FGGY: variants seen among roughly 807,000 people sequenced by gnomAD.
FGGY encodes the protein FGGY carbohydrate kinase domain-containing protein.
Under a neutral mutation model 71.3 loss-of-function variants are expected in FGGY, and 72 were observed. The observed-to-expected ratio is 1.01, with a 90% CI of 0.84 to 1.23. The LOEUF (loss-of-function observed/expected upper bound fraction) is 1.23, where lower values mean the gene tolerates loss of function less well. FGGY is among the 50% of genes most tolerant of loss of function. The probability of loss-of-function intolerance (pLI) is 0.00; values close to 1 mark genes in which losing one functional copy is unlikely to be tolerated. For synonymous variants in FGGY, 251 were observed against 250.3 expected (o/e 1.00, Z -0.02); for missense variants, 668 against 682.3 (o/e 0.98, Z 0.23).
chr1:59,401,053 C>A (rs1471792651), intron 5 of FGGY, among the ~76,000 whole-genome samples: 1 of 152,112 alleles, frequency 6.6e-6, no homozygotes, highest in Non-Finnish European at 1.5e-5. Flanking sequence ...TATTATTTGA[C>A]ATTTTATAAA....
chr1:59,297,607 G>A (rs182185888), intron 1 of FGGY, among the ~76,000 whole-genome samples: 1 of 152,326 alleles, frequency 6.6e-6, no homozygotes, highest in Non-Finnish European at 1.5e-5. Context: ...TGGATCACGA[G>A]GTCAGGAGAT....
intron 4 of FGGY, among the ~76,000 whole-genome samples, chr1:59,355,934 A>T (rs1202466536): frequency 1.3e-5 from 2 of 152,118 alleles, no homozygotes; most frequent in African/African-American, 2.4e-5. Context: ...AAAAAAAATA[A>T]ACAATTTTAA....
Position 59,652,913 on chromosome 1 carries a change from G to A in FGGY, c.1222-7306G>A, listed in dbSNP as rs1007580255. 3.6e-4 allele frequency among the ~76,000 whole-genome samples: 55 copies of A among 152,238 alleles called. No individual in the cohort carries two copies. In the South Asian group the frequency reaches 4.2e-3, roughly 11 times the overall value. ...CTACTTTTGGTCTTTGATGATGGTG[G>A]TGTACAGATGGGTTTTCGGTGTGGA... On this transcript the variant is annotated intron_variant, in intron 11 of 15. Coordinates refer to ENST00000303721, the MANE Select transcript of FGGY (RefSeq NM_018291.5).
At chr1:59,375,773 A>T (rs1305901619) in intron 4 of FGGY, among the ~76,000 whole-genome samples, 1 of 151,970 alleles carries the variant, frequency 6.6e-6, no homozygotes, top group Admixed American at 6.6e-5. Flanking sequence ...GTTCTTTGTG[A>T]CATTCTACTT....
At chr1:59,462,600 C>A (rs907942898) in intron 6 of FGGY, among the ~76,000 whole-genome samples, 49 of 152,088 alleles carry the variant, frequency 3.2e-4, no homozygotes, top group Non-Finnish European at 1.8e-4. Context: ...TGAACTCAAG[C>A]AAATTTACAA....
intron 14 of FGGY, among the ~76,000 whole-genome samples, chr1:59,681,673 T>C (rs2097500375): frequency 6.6e-6 from 1 of 152,154 alleles, no homozygotes; most frequent in African/African-American, 2.4e-5. Context: ...AAATAACTCA[T>C]GAATAGCAAT....
chr1:59,352,823 T>C (rs902642337), intron 4 of FGGY, among the ~76,000 whole-genome samples: 1 of 152,230 alleles, frequency 6.6e-6, no homozygotes, highest in Non-Finnish European at 1.5e-5. Flanking sequence ...GATGACATAA[T>C]AACACCTTTT....
At chr1:59,563,485 G>C (rs1437567380) in intron 8 of FGGY, among the ~76,000 whole-genome samples, 1 of 152,200 alleles carries the variant, frequency 6.6e-6, no homozygotes, top group South Asian at 2.1e-4. Context: ...ACTTACAGGG[G>C]ATATGAAGGA....
At chr1:59,520,154 T>C (rs1439377791) in intron 7 of FGGY, among the ~76,000 whole-genome samples, 3 of 152,248 alleles carry the variant, frequency 2.0e-5, no homozygotes, top group Non-Finnish European at 4.4e-5. Context: ...TCCAGTGATA[T>C]TATTTCTCTT....
chr1:59,678,880 A>G (rs956552824), intron 14 of FGGY, among the ~76,000 whole-genome samples: 5 of 152,336 alleles, frequency 3.3e-5, no homozygotes, highest in South Asian at 2.1e-4. Context: ...TGTAAAGAAA[A>G]TAAGCCCTTG....
intron 3 of FGGY, 85 bp downstream of exon 3, chr1:59,340,154 G>A (rs944847212): frequency 3.6e-5 from 30 of 839,438 alleles, no homozygotes; most frequent in Non-Finnish European, 5.1e-5. Context: ...GAGGGCAGGC[G>A]TCTCTTGCTG....
At chr1:59,395,755 A>G (rs2061253894) in intron 5 of FGGY, among the ~76,000 whole-genome samples, 1 of 152,212 alleles carries the variant, frequency 6.6e-6, no homozygotes, top group Non-Finnish European at 1.5e-5. Context: ...ATAAAGAAAC[A>G]GACTCAAAAG....
intron 5 of FGGY, among the ~76,000 whole-genome samples, chr1:59,420,874 C>A (rs983284091): frequency 6.6e-6 from 1 of 151,296 alleles, no homozygotes; most frequent in African/African-American, 2.4e-5. Flanking sequence ...AAATGCCCGG[C>A]CACCAAGAAG....
At chr1:59,379,394 A>G (rs2059103174) in intron 5 of FGGY, among the ~76,000 whole-genome samples, 1 of 152,252 alleles carries the variant, frequency 6.6e-6, no homozygotes, top group Admixed American at 6.5e-5. Context: ...ACTGTAGGCC[A>G]TTGTGCACAG....
intron 14 of FGGY, among the ~76,000 whole-genome samples, chr1:59,727,516 T>C (rs772473591): frequency 8.5e-5 from 13 of 152,272 alleles, no homozygotes; most frequent in South Asian, 4.1e-4. Flanking sequence ...GTGAAAGATC[T>C]CTACAAGAAC....
At chr1:59,460,612 C>T (rs373248642) in intron 6 of FGGY, among the ~76,000 whole-genome samples, 6 of 152,226 alleles carry the variant, frequency 3.9e-5, no homozygotes, top group African/African-American at 1.4e-4. Context: ...AAGTGGGTCC[C>T]TCACCCCCGT....
intron 15 of FGGY, among the ~76,000 whole-genome samples, chr1:59,758,822 G>A (rs1428418589): frequency 6.6e-6 from 1 of 152,140 alleles, no homozygotes; most frequent in Non-Finnish European, 1.5e-5. Flanking sequence ...GGATAGAATT[G>A]GGTAGGGGGA....
At chr1:59,499,842 C>A (rs916115257) in intron 6 of FGGY, among the ~76,000 whole-genome samples, 3 of 152,154 alleles carry the variant, frequency 2.0e-5, no homozygotes, top group African/African-American at 7.2e-5. Flanking sequence ...ACAAGTGAGT[C>A]ATGCATAGCA....
chr1:59,473,524 C>T (rs1158408771), intron 6 of FGGY, among the ~76,000 whole-genome samples: 3 of 152,112 alleles, frequency 2.0e-5, no homozygotes, highest in Admixed American at 2.0e-4. Context: ...GAAATGGCTT[C>T]CAAGGCAGAA....
Sources: allele counts gnomAD v4.1 joint callset (sites outside exome capture counted in the v4.1 genomes callset), GRCh38; gene constraint gnomAD v4.1.1; transcripts MANE v1.5; gene names NCBI Gene and HGNC (gene_info 2026-07-23, HGNC 2026-07-21).